MTMR3: variants seen among roughly 807,000 people sequenced by gnomAD.
The protein encoded by MTMR3 is phosphatidylinositol-3,5-bisphosphate 3-phosphatase MTMR3.
In MTMR3, 32 loss-of-function variants were observed where a neutral mutation model predicts 132.4. The observed-to-expected ratio is 0.24, with a 90% CI of 0.18 to 0.32. The LOEUF is 0.32. Among genes scored for constraint, MTMR3 ranks in the 10% least tolerant of loss-of-function variants. MTMR3 has a pLI of 1.00. For synonymous variants in MTMR3, 556 were observed against 550.3 expected (o/e 1.01, Z -0.14); for missense variants, 1,216 against 1,489.6 (o/e 0.82, Z 3.02).
chr22:30,005,949 G>C (rs1007786184), intron 9 of MTMR3: 3 of 152,146 alleles, frequency 2.0e-5, no homozygotes, highest in African/African-American at 7.2e-5. Context: ...GTAACTACGA[G>C]TTTATAATAG....
At chr22:29,918,257 T>C (rs944109462) in intron 1 of MTMR3, among the ~76,000 whole-genome samples, 2 of 152,248 alleles carry the variant, frequency 1.3e-5, no homozygotes, top group Non-Finnish European at 2.9e-5. Flanking sequence ...AGTGCTTTCT[T>C]ACACTAATAT....
intron 1 of MTMR3, among the ~76,000 whole-genome samples, chr22:29,907,932 A>G (rs566831372): frequency 2.2e-3 from 331 of 152,324 alleles, no homozygotes; most frequent in Non-Finnish European, 3.4e-3. Flanking sequence ...CCAAGGAGTA[A>G]TGATAGACAC....
Position 29,998,830 on chromosome 22 carries a change from G to A in MTMR3, c.530G>A (p.Arg177Lys). The A allele has an allele frequency of 7.4e-6, 12 of 1,611,120 alleles. No homozygotes were observed. Among genetic ancestry groups the A allele is most frequent in the Non-Finnish European group, 1.0e-5 (12 of 1,178,304 alleles). The change falls in exon 8 of 20, where the codon AGG becomes AAG. Residue 177 changes from arginine to lysine, a missense_variant. By Grantham distance (26) the Arg-to-Lys change is conservative. Transcript: ENST00000401950. The stretch of plus-strand genomic sequence containing the variant: ...GGTTTTGATATGAACAACGCCTGGA[G>A]GATTTCCAACATCAATGAGAAGTAC... The part of the protein sequence containing the change: ...RMGFDMNNAW[R>K]ISNINEKYKL...
intron 1 of MTMR3, among the ~76,000 whole-genome samples, chr22:29,949,139 ACACACCCCCCCC>A (rs1204165637): frequency 3.4e-3 from 83 of 24,572 alleles, no homozygotes; most frequent in African/African-American, 4.0e-3. Flanking sequence ...ACACACACAC[ACACACCCCCCCC>A]CCCCCCCCCG....
chr22:29,905,150 T>G (rs2065071223), intron 1 of MTMR3, among the ~76,000 whole-genome samples: 2 of 152,182 alleles, frequency 1.3e-5, no homozygotes, highest in African/African-American at 4.8e-5. Context: ...CAGTTTATCC[T>G]TGGTATACTT....
Position 30,025,825 on chromosome 22 carries a change from T to C in MTMR3, c.*24T>C. 1 of 1,612,640 alleles carries C rather than the reference T, an allele frequency of 6.2e-7. No individual in the cohort carries two copies. ...GAAGCTCAGTGACCTGGGTGGGCAGTGGCCAAGCTGCTGTTCCTATGACAG... is the reference window on the plus strand; with the variant it reads ...GAAGCTCAGTGACCTGGGTGGGCAGCGGCCAAGCTGCTGTTCCTATGACAG... On this transcript the variant is annotated 3_prime_UTR_variant, in exon 20 of 20. Transcript: ENST00000401950.
At chr22:29,929,340 A>G (rs2065593156) in intron 1 of MTMR3, among the ~76,000 whole-genome samples, 1 of 152,124 alleles carries the variant, frequency 6.6e-6, no homozygotes, top group Non-Finnish European at 1.5e-5. Flanking sequence ...GAAATTAAGC[A>G]ACATCTTACT....
Position 30,025,821 on chromosome 22 carries a change from G to A in MTMR3, c.*20G>A. The stretch of plus-strand genomic sequence containing the variant: ...AACTGAAGCTCAGTGACCTGGGTGG[G>A]CAGTGGCCAAGCTGCTGTTCCTATG... On this transcript the variant is annotated 3_prime_UTR_variant, in exon 20 of 20. Transcript: ENST00000401950. 6.2e-7 allele frequency: 1 copy of A among 1,613,118 alleles called. No individual in the cohort carries two copies.
At chr22:29,891,039 AAGATG>A (rs1286203086) in intron 1 of MTMR3, among the ~76,000 whole-genome samples, 1 of 152,210 alleles carries the variant, frequency 6.6e-6, no homozygotes, top group Admixed American at 6.5e-5. Flanking sequence ...AAAAAAAAAA[AAGATG>A]AGATGGGAAG....
intron 6 of MTMR3, 88 bp from the exon 7 acceptor site, chr22:29,991,416 G>T: frequency 3.0e-6 from 4 of 1,322,882 alleles, no homozygotes; most frequent in Non-Finnish European, 4.1e-6. Flanking sequence ...ACTTCACTAC[G>T]AGTGGGCATT....
In MTMR3 at chr22:30,019,892, C is replaced by T. The variant is rs760984166; in HGVS notation, c.2233C>T (p.Leu745=). The part of the protein sequence containing the change: ...SAIGLHQDPE[L]GDAALRSHLD... ...CATTGGACTTCACCAAGACCCAGAA[C>T]TGGGTGATGCTGCTCTGAGGAGCCA... The change falls in exon 17 of 20, where the codon CTG becomes TTG. Residue 745 remains leucine (L), a synonymous_variant. Coordinates refer to ENST00000401950, the MANE Select transcript of MTMR3 (RefSeq NM_021090.4). 1 of 1,614,088 alleles carries T rather than the reference C, an allele frequency of 6.2e-7. No homozygotes were observed. Among genetic ancestry groups the T allele is most frequent in the Non-Finnish European group, 8.5e-7 (1 of 1,180,044 alleles).
chr22:29,925,006 A>G (rs2065487147), intron 1 of MTMR3, among the ~76,000 whole-genome samples: 1 of 152,198 alleles, frequency 6.6e-6, no homozygotes, highest in Non-Finnish European at 1.5e-5. Flanking sequence ...TTTGGCATGA[A>G]ATAATTTGAG....
intron 14 of MTMR3, chr22:30,014,919 A>G (rs1293364870): frequency 1.3e-5 from 2 of 152,222 alleles, no homozygotes; most frequent in South Asian, 2.1e-4. Flanking sequence ...TGCCATCTGT[A>G]TGCTGATGAG....
chr22:29,948,169 G>A (rs2065986566), intron 1 of MTMR3, among the ~76,000 whole-genome samples: 1 of 152,104 alleles, frequency 6.6e-6, no homozygotes, highest in South Asian at 2.1e-4. Flanking sequence ...AGCTAGAGTT[G>A]GACAGTTTTC....
At chr22:29,894,820 GTGT>G (rs1815746144) in intron 1 of MTMR3, among the ~76,000 whole-genome samples, 1 of 152,204 alleles carries the variant, frequency 6.6e-6, no homozygotes, top group South Asian at 2.1e-4. Context: ...CACACTTGTA[GTGT>G]TTTAAATGCT....
At chr22:29,921,700 C>T (rs188884995) in intron 1 of MTMR3, among the ~76,000 whole-genome samples, 199 of 152,242 alleles carry the variant, frequency 1.3e-3, no homozygotes, top group Non-Finnish European at 2.4e-3. Context: ...TCTTCCTAGT[C>T]CTTGGCAATT....
chr22:29,961,905 G>A (rs140083274), intron 2 of MTMR3, among the ~76,000 whole-genome samples: 22 of 152,334 alleles, frequency 1.4e-4, no homozygotes, highest in African/African-American at 5.3e-4. Context: ...CTGTGTTACA[G>A]TTACCTACAG....
chr22:29,903,331 G>A (rs1460077105), intron 1 of MTMR3, among the ~76,000 whole-genome samples: 1 of 151,976 alleles, frequency 6.6e-6, no homozygotes, highest in African/African-American at 2.4e-5. Flanking sequence ...AGAGGCCATA[G>A]GTGGTTTGAC....
At chr22:29,974,586 A>G (rs2066595866) in intron 3 of MTMR3, among the ~76,000 whole-genome samples, 1 of 152,218 alleles carries the variant, frequency 6.6e-6, no homozygotes, top group African/African-American at 2.4e-5. Context: ...TTCAGTAGCT[A>G]CTTTGGTGAT....
Sources: allele counts gnomAD v4.1 joint callset (sites outside exome capture counted in the v4.1 genomes callset), GRCh38; gene constraint gnomAD v4.1.1; transcripts MANE v1.5; gene names NCBI Gene and HGNC (gene_info 2026-07-23, HGNC 2026-07-21).